EYS: variants seen among roughly 807,000 people sequenced by gnomAD.
EYS encodes the protein EGF-like photoreceptor maintenance factor, also known as protein eyes shut homolog.
Under a neutral mutation model 282.1 loss-of-function variants are expected in EYS, and 250 were observed. The ratio of observed to expected loss-of-function variants is 0.89; its 90% CI spans 0.80 to 0.98. The LOEUF is 0.98. Among genes scored for constraint, EYS ranks in the 50% least tolerant of loss-of-function variants. EYS has a pLI of 0.00. For synonymous variants in EYS, 1,355 were observed against 1,282.9 expected, an observed-to-expected ratio of 1.06 and a Z score of -1.20; for missense variants, 4,016 against 3,709.0, an observed-to-expected ratio of 1.08 and a Z score of -2.15.
chr6:64,833,059 A>G (rs1335406533), intron 19 of EYS, among the ~76,000 whole-genome samples: 1 of 151,916 alleles, frequency 6.6e-6, no homozygotes, highest in Non-Finnish European at 1.5e-5. Context: ...GATCATTAGG[A>G]CTAATTTTAT....
chr6:65,198,925 GT>G (rs1765834503), intron 12 of EYS, among the ~76,000 whole-genome samples: 1 of 152,080 alleles, frequency 6.6e-6, no homozygotes, highest in Non-Finnish European at 1.5e-5. Context: ...TGTCTCCTAA[GT>G]ATTTGGCTTG....
intron 9 of EYS, among the ~76,000 whole-genome samples, chr6:65,350,539 T>A (rs1418719767): frequency 6.6e-6 from 1 of 151,696 alleles, no homozygotes; most frequent in East Asian, 1.9e-4. Context: ...ATAAGCAAAC[T>A]GAAATAACGA....
chr6:65,021,490 T>C (rs1316182256), intron 13 of EYS, among the ~76,000 whole-genome samples: 2 of 152,222 alleles, frequency 1.3e-5, no homozygotes, highest in Non-Finnish European at 2.9e-5. Flanking sequence ...TCAACAAGGC[T>C]CTCAGAAGTT....
intron 2 of EYS, among the ~76,000 whole-genome samples, chr6:65,550,297 C>CT (rs1233846388): frequency 0.023 from 288 of 12,798 alleles, 36 homozygotes; most frequent in Non-Finnish European, 0.026. Context: ...TGCAAGATTG[C>CT]TTTTTTTTTT....
chr6:64,321,365 C>G (rs1457907548), intron 29 of EYS, among the ~76,000 whole-genome samples: 1 of 151,700 alleles, frequency 6.6e-6, no homozygotes, highest in African/African-American at 2.4e-5. Context: ...ATAATATAAT[C>G]AAATTTCATT....
intron 37 of EYS, 125 bp downstream of exon 37, chr6:63,806,065 A>G (rs1770898964): frequency 1.3e-6 from 1 of 760,994 alleles, no homozygotes. Flanking sequence ...AAGGCAGAAA[A>G]CAGGAGGAGG....
chr6:65,319,204 C>CAAAA lies in EYS; in HGVS notation c.1766+15772_1766+15775dup, dbSNP rs55687610. On this transcript the variant is annotated intron_variant, in intron 11 of 42. Transcript: ENST00000503581. Reference sequence around the variant, plus strand: ...CAAAACCCCGTCTCTACTAAAAATGCAAAAAAAAAAAAAAAAAAAAAAACA... The same window carrying CAAAA: ...CAAAACCCCGTCTCTACTAAAAATGCAAAAAAAAAAAAAAAAAAAAAAAAAAACA... Among the ~76,000 whole-genome samples the CAAAA allele has an allele frequency of 1.9e-3, 84 of 44,382 alleles. 1 individual carries two copies. The highest frequency in any genetic ancestry group is 3.9e-3 in the East Asian group (5 of 1,272). The allele number at this position is 44,382 out of a possible 152,430, so 29.1% of individuals were successfully genotyped here.
intron 2 of EYS, among the ~76,000 whole-genome samples, chr6:65,586,527 G>C (rs1213675430): frequency 1.3e-5 from 2 of 151,980 alleles, no homozygotes; most frequent in African/African-American, 4.8e-5. Context: ...TTCACCATTA[G>C]AGACAAAACT....
rs564766726 is a variant in EYS, at chr6:65,500,277, G to A, written c.-332-4284C>T. ...AAACAAAGCGGCTGAGGCAAAAGAT[G>A]ATAAACAATCCTGGAGAACAATAAT... On this transcript the variant is annotated intron_variant, in intron 2 of 42. Transcript: ENST00000503581. Among the ~76,000 whole-genome samples the A allele has an allele frequency of 4.6e-4, 70 of 152,084 alleles. No individual in the cohort carries two copies. In the South Asian group the frequency reaches 0.014, roughly 31 times the overall value.
chr6:64,564,485 G>T (rs1199442735), intron 26 of EYS, among the ~76,000 whole-genome samples: 1 of 151,734 alleles, frequency 6.6e-6, no homozygotes, highest in Non-Finnish European at 1.5e-5. Context: ...GTTTCACCAT[G>T]TTAGCCAGGA....
At chr6:63,911,440 A>G (rs1206888709) in intron 35 of EYS, among the ~76,000 whole-genome samples, 1 of 152,254 alleles carries the variant, frequency 6.6e-6, no homozygotes, top group African/African-American at 2.4e-5. Flanking sequence ...ACAGCCTGAC[A>G]CAGGCTAACT....
chr6:65,321,380 T>C (rs1489789119), intron 11 of EYS, among the ~76,000 whole-genome samples: 1 of 150,072 alleles, frequency 6.7e-6, no homozygotes, highest in Non-Finnish European at 1.5e-5. Context: ...CAAAAAAGAG[T>C]TGGAAAGATT....
At chr6:65,504,106 TATA>T (rs1319472001) in intron 2 of EYS, among the ~76,000 whole-genome samples, 3 of 151,714 alleles carry the variant, frequency 2.0e-5, no homozygotes, top group African/African-American at 7.2e-5. Context: ...TCTATTTATT[TATA>T]ATATTCATTT....
chr6:64,535,626 G>A (rs530583491), intron 26 of EYS, among the ~76,000 whole-genome samples: 1 of 151,416 alleles, frequency 6.6e-6, no homozygotes, highest in African/African-American at 2.4e-5. Context: ...TGTACTCCCA[G>A]CTACTTGGGA....
intron 1 of EYS, among the ~76,000 whole-genome samples, 155 bp downstream of exon 1, chr6:65,706,980 T>A (rs1650215380): frequency 6.6e-6 from 1 of 152,094 alleles, no homozygotes; most frequent in South Asian, 2.1e-4. Flanking sequence ...ACAGAGAAAA[T>A]TTAGTGAAAA....
At chr6:64,290,545 A>T (rs929976922) in intron 30 of EYS, among the ~76,000 whole-genome samples, 3 of 152,028 alleles carry the variant, frequency 2.0e-5, no homozygotes, top group African/African-American at 7.2e-5. Flanking sequence ...TAACTTAATT[A>T]TTCATTTTAG....
intron 11 of EYS, among the ~76,000 whole-genome samples, chr6:65,333,879 C>A (rs1375097801): frequency 6.6e-6 from 1 of 151,276 alleles, no homozygotes; most frequent in Non-Finnish European, 1.5e-5. Flanking sequence ...TTAGTATAGG[C>A]ACTCCAGTTT....
rs188487945 is a variant in EYS, at chr6:65,457,604, T to A, written c.862+32990A>T. Among the ~76,000 whole-genome samples the A allele has an allele frequency of 2.6e-4, 39 of 152,184 alleles. 1 individual carries two copies. Among genetic ancestry groups the A allele is most frequent in the Admixed American group, 1.6e-3 (25 of 15,268 alleles). On this transcript the variant is annotated intron_variant, in intron 5 of 42. Transcript: ENST00000503581. ...TCCTTGTATAAGTAAGAAATAATTCTTTCTTGTTCTAAATAAGTGCTATTA... is the reference window on the plus strand; with the variant it reads ...TCCTTGTATAAGTAAGAAATAATTCATTCTTGTTCTAAATAAGTGCTATTA...
intron 13 of EYS, among the ~76,000 whole-genome samples, chr6:65,040,994 A>G (rs1177467705): frequency 6.6e-6 from 1 of 151,690 alleles, no homozygotes; most frequent in Non-Finnish European, 1.5e-5. Context: ...TATTTAGATT[A>G]AGTCTGGATG....
Sources: gnomAD v4.1 joint callset for allele counts (sites outside exome capture counted in the v4.1 genomes callset) on GRCh38, gnomAD v4.1.1 for gene constraint, MANE v1.5 for transcripts, NCBI Gene and HGNC (gene_info 2026-07-23, HGNC 2026-07-21) for gene names.